Variants in IL1RAPL2 observed in about 807,000 individuals in gnomAD.
IL1RAPL2 encodes the protein X-linked interleukin-1 receptor accessory protein-like 2.
IL1RAPL2 carries 3 observed loss-of-function variants against 44.1 expected under a neutral mutation model. The observed-to-expected ratio is 0.07, with a 90% CI of 0.03 to 0.18. IL1RAPL2 has a LOEUF of 0.18. IL1RAPL2 is among the 10% of genes least tolerant of loss of function. The pLI, the probability that IL1RAPL2 is intolerant of heterozygous loss-of-function variation, is 1.00. For missense variants in IL1RAPL2, 391 were observed against 496.4 expected (o/e 0.79, Z 2.02); for synonymous variants, 181 against 178.8 (o/e 1.01, Z -0.10).
At chrX:105,669,481 T>A (rs1175897086) in intron 6 of IL1RAPL2, among the ~76,000 whole-genome samples, 1 of 112,031 alleles carries the variant, frequency 8.9e-6, no homozygotes, top group Admixed American at 9.5e-5. Flanking sequence ...AGCATCACAT[T>A]GTCCTGGTCT....
chrX:105,493,360 T>G (rs1301305397), intron 6 of IL1RAPL2, among the ~76,000 whole-genome samples: 2 of 112,168 alleles, frequency 1.8e-5, no homozygotes, highest in Non-Finnish European at 3.8e-5. Flanking sequence ...CCAAAGAGAC[T>G]GTACCATTTT....
At chrX:104,741,737 G>T (rs1932104517) in intron 2 of IL1RAPL2, among the ~76,000 whole-genome samples, 2 of 111,116 alleles carry the variant, frequency 1.8e-5, no homozygotes, top group Admixed American at 9.6e-5. Context: ...TCAGTGAAAT[G>T]ACTTAACATC....
At chrX:105,375,636 T>A (rs1395701512) in intron 5 of IL1RAPL2, among the ~76,000 whole-genome samples, 1 of 112,667 alleles carries the variant, frequency 8.9e-6, no homozygotes, top group Non-Finnish European at 1.9e-5. Flanking sequence ...TTTCTGGGAA[T>A]TGGTTAACTT....
intron 2 of IL1RAPL2, among the ~76,000 whole-genome samples, chrX:104,790,576 A>G (rs1363117168): frequency 9.4e-6 from 1 of 105,868 alleles, no homozygotes; most frequent in African/African-American, 3.9e-5. Flanking sequence ...GATTTGTGAA[A>G]CATTTTTTTT....
chrX:105,617,844 C>T (rs1476476035), intron 6 of IL1RAPL2, among the ~76,000 whole-genome samples: 3 of 111,583 alleles, frequency 2.7e-5, no homozygotes, highest in African/African-American at 9.7e-5. Context: ...GATATCTTGA[C>T]GCTCTCTTTA....
chrX:105,268,996 A>C (rs370064665), intron 5 of IL1RAPL2, among the ~76,000 whole-genome samples: 2 of 111,004 alleles, frequency 1.8e-5, no homozygotes, highest in Non-Finnish European at 3.8e-5. Flanking sequence ...ATACACATAC[A>C]TATTTCTATT....
At chrX:105,183,122 A>T (rs1360798537) in intron 2 of IL1RAPL2, among the ~76,000 whole-genome samples, 1 of 111,371 alleles carries the variant, frequency 9.0e-6, no homozygotes, top group Non-Finnish European at 1.9e-5. Context: ...AGTGGTGCAC[A>T]TGGGCACAGA....
intron 5 of IL1RAPL2, among the ~76,000 whole-genome samples, chrX:105,337,004 T>C (rs1367186055): frequency 9.0e-6 from 1 of 111,626 alleles, no homozygotes; most frequent in Non-Finnish European, 1.9e-5. Context: ...CAATACCTTA[T>C]TTTAGACCAG....
intron 5 of IL1RAPL2, among the ~76,000 whole-genome samples, chrX:105,401,630 A>T (rs1292508284): frequency 9.1e-6 from 1 of 110,338 alleles, no homozygotes; most frequent in Non-Finnish European, 1.9e-5. Flanking sequence ...TAGGTTGGTG[A>T]TTTTCTTTAT....
intron 5 of IL1RAPL2, among the ~76,000 whole-genome samples, chrX:105,277,668 T>C (rs184504313): frequency 1.8e-5 from 2 of 111,663 alleles, no homozygotes; most frequent in African/African-American, 6.5e-5. Flanking sequence ...ATTTCAATTC[T>C]GTAACTCATA....
At chrX:105,170,666 T>C (rs920992414) in intron 2 of IL1RAPL2, among the ~76,000 whole-genome samples, 1 of 111,899 alleles carries the variant, frequency 8.9e-6, no homozygotes, top group Non-Finnish European at 1.9e-5. Flanking sequence ...TAAGTGGACC[T>C]AGTTCCAGCA....
At chrX:105,167,536 C>T (rs2147598133) in intron 2 of IL1RAPL2, among the ~76,000 whole-genome samples, 1 of 111,360 alleles carries the variant, frequency 9.0e-6, no homozygotes. Flanking sequence ...GGAGATGACT[C>T]CCCGCCATTC....
chrX:105,507,214 T>C (rs1602442644), intron 6 of IL1RAPL2, among the ~76,000 whole-genome samples: 1 of 111,932 alleles, frequency 8.9e-6, no homozygotes, highest in Middle Eastern at 4.6e-3. Flanking sequence ...GAATGAGTTG[T>C]TTGAATTTGA....
At chrX:104,662,088 G>A (rs1462168442) in intron 2 of IL1RAPL2, among the ~76,000 whole-genome samples, 1 of 112,267 alleles carries the variant, frequency 8.9e-6, no homozygotes, top group Non-Finnish European at 1.9e-5. Context: ...GTCAAACATG[G>A]AAAAGAACTT....
chrX:104,642,554 G>A (rs1429721922), intron 1 of IL1RAPL2, among the ~76,000 whole-genome samples: 2 of 109,738 alleles, frequency 1.8e-5, no homozygotes, highest in African/African-American at 3.3e-5. Context: ...GCACGATCTC[G>A]GCTCACTGCA....
intron 2 of IL1RAPL2, among the ~76,000 whole-genome samples, chrX:105,076,926 T>C (rs1385386552): frequency 9.0e-6 from 1 of 110,644 alleles, no homozygotes; most frequent in South Asian, 3.8e-4. Flanking sequence ...TTATTTTGAG[T>C]CTATGTGTGT....
intron 2 of IL1RAPL2, among the ~76,000 whole-genome samples, chrX:104,886,850 C>T (rs1426859205): frequency 1.8e-5 from 2 of 112,094 alleles, no homozygotes; most frequent in African/African-American, 6.5e-5. Flanking sequence ...ATCTAGGCCA[C>T]TTCTCAAGTC....
intron 2 of IL1RAPL2, among the ~76,000 whole-genome samples, chrX:105,162,567 A>G (rs1602985739): frequency 1.8e-5 from 2 of 112,249 alleles, no homozygotes; most frequent in African/African-American, 6.5e-5. Flanking sequence ...GAATTATTAT[A>G]TATTTTTAAA....
intron 1 of IL1RAPL2, among the ~76,000 whole-genome samples, chrX:104,635,280 T>C (rs1929767641): frequency 9.0e-6 from 1 of 111,226 alleles, no homozygotes; most frequent in African/African-American, 3.3e-5. Context: ...TTAACCTTTT[T>C]TCCTTCATTT....
Sources: allele counts gnomAD v4.1 joint callset (sites outside exome capture counted in the v4.1 genomes callset), GRCh38; gene constraint gnomAD v4.1.1; transcripts MANE v1.5; gene names NCBI Gene and HGNC (gene_info 2026-07-23, HGNC 2026-07-21).